The following YTHDC2 variants were observed in gnomAD, a reference collection of about 807,000 sequenced individuals.
YTHDC2 encodes YTH N6-methyladenosine RNA binding protein C2, also known as 3'-5' RNA helicase YTHDC2.
A neutral mutation model predicts 174.9 loss-of-function variants in YTHDC2; 45 were observed. The observed-to-expected ratio is 0.26, with a 90% CI of 0.20 to 0.33. The LOEUF is 0.33. Ranked by LOEUF, YTHDC2 falls within the 10% of genes least tolerant of loss-of-function variation. YTHDC2 has a pLI of 1.00. For synonymous variants in YTHDC2, 657 were observed against 574.5 expected, an observed-to-expected ratio of 1.14 and a Z score of -2.05; for missense variants, 1,650 against 1,723.7, an observed-to-expected ratio of 0.96 and a Z score of 0.76.
At chr5:113,586,553 A>AT (rs1304618522) in intron 26 of YTHDC2, among the ~76,000 whole-genome samples, 1 of 151,656 alleles carries the variant, frequency 6.6e-6, no homozygotes, top group Non-Finnish European at 1.5e-5. Flanking sequence ...TATGATTAGT[A>AT]TTTTTTTGTG....
chr5:113,514,122 C>G, intron 1 of YTHDC2, 40 bp downstream of exon 1: 15 of 1,579,734 alleles, frequency 9.5e-6, no homozygotes, highest in Non-Finnish European at 1.3e-5. Flanking sequence ...AGTCAGGATA[C>G]CCCCCTCACC....
intron 7 of YTHDC2, among the ~76,000 whole-genome samples, chr5:113,538,244 A>T (rs1775217432): frequency 2.0e-5 from 3 of 152,202 alleles, no homozygotes; most frequent in Admixed American, 2.0e-4. Context: ...GGCTTGACGT[A>T]GCATTCTGCT....
chr5:113,561,090 T>G lies in YTHDC2; in HGVS notation c.2227T>G (p.Cys743Gly). 6.2e-7 allele frequency: 1 copy of G among 1,608,348 alleles called. No homozygotes were observed. The highest frequency in any genetic ancestry group is 8.5e-7 in the Non-Finnish European group (1 of 1,176,654). Reference protein sequence around the residue: ...AIQRKGRAGRCRPGICFRLFS... With the variant: ...AIQRKGRAGRGRPGICFRLFS... The stretch of plus-strand genomic sequence containing the variant: ...TACTTTATTTTTAAGGGCAGGGCGA[T>G]GTAGACCTGGAATTTGTTTTCGTCT... Residue 743 changes from cysteine to glycine, a missense_variant, in exon 18 of 30, where the codon TGT (cysteine) becomes GGT (glycine). Cys to Gly is a radical substitution (Grantham distance 159). This residue lies in a region of YTHDC2 where 913 missense variants were observed against 940.4 expected (regional missense o/e 0.97). Coordinates refer to ENST00000161863, the MANE Select transcript of YTHDC2 (RefSeq NM_022828.5).
intron 5 of YTHDC2, among the ~76,000 whole-genome samples, chr5:113,533,956 T>C (rs1774873175): frequency 6.6e-6 from 1 of 152,196 alleles, no homozygotes; most frequent in Admixed American, 6.5e-5. Context: ...TATGTAGTAT[T>C]AGTAATGCCT....
chr5:113,556,080 C>T lies in YTHDC2; in HGVS notation c.2162C>T (p.Thr721Ile). 6.2e-7 allele frequency: 1 copy of T among 1,607,074 alleles called. No homozygotes were observed. The highest frequency in any genetic ancestry group is 1.1e-5 in the South Asian group (1 of 90,346). Residue 721 changes from threonine to isoleucine, a missense_variant, in exon 17 of 30, where the codon ACA becomes ATA. Physicochemically the swap from Thr to Ile is moderately conservative, Grantham distance 89. Transcript: ENST00000161863. Reference sequence around the variant, plus strand: ...TCCTTTGATGCTCTGAATTTTGTTACAATGTTAAAAATGGTATGGATTTCC... The same window carrying T: ...TCCTTTGATGCTCTGAATTTTGTTATAATGTTAAAAATGGTATGGATTTCC... ...EKSFDALNFV[T>I]MLKMVWISKA...
At chr5:113,536,706 G>T (rs1775102990) in intron 7 of YTHDC2, among the ~76,000 whole-genome samples, 1 of 152,046 alleles carries the variant, frequency 6.6e-6, no homozygotes, top group South Asian at 2.1e-4. Context: ...ACAAATGTAT[G>T]CAAATATATA....
intron 16 of YTHDC2, among the ~76,000 whole-genome samples, chr5:113,554,818 A>G (rs1776491274): frequency 6.6e-6 from 1 of 151,982 alleles, no homozygotes; most frequent in Non-Finnish European, 1.5e-5. Context: ...CTTTTGGTAG[A>G]TAACATTCGC....
intron 3 of YTHDC2, 33 bp downstream of exon 3, chr5:113,525,210 C>T: frequency 6.7e-7 from 1 of 1,492,942 alleles, no homozygotes; most frequent in Non-Finnish European, 9.0e-7. Context: ...CCTCATTTAC[C>T]CTATTATTTG....
intron 26 of YTHDC2, among the ~76,000 whole-genome samples, chr5:113,586,803 A>G (rs889054966): frequency 1.4e-5 from 2 of 147,254 alleles, no homozygotes; most frequent in African/African-American, 2.5e-5. Context: ...TCAAAAATCA[A>G]CTGGCCATAA....
chr5:113,563,956 G>A lies in YTHDC2; in HGVS notation c.2540G>A (p.Cys847Tyr). Residue 847 changes from cysteine to tyrosine, a missense_variant, in exon 20 of 30, where the codon TGT becomes TAT. By Grantham distance (194) the Cys-to-Tyr change is radical. Coordinates refer to ENST00000161863, the MANE Select transcript of YTHDC2 (RefSeq NM_022828.5). The stretch of plus-strand genomic sequence containing the variant: ...CCACATCTTGGTAAAATGGTCTTGT[G>A]TGCTGTTGTTTTAAAGTGTCTGGAC... ...VEPHLGKMVL[C>Y]AVVLKCLDPI... The A allele has an allele frequency of 6.2e-7, 1 of 1,614,146 alleles. No homozygotes were observed. The highest frequency in any genetic ancestry group is 8.5e-7 in the Non-Finnish European group (1 of 1,180,022).
At position 113,563,893 on chromosome 5, in the gene YTHDC2, C is replaced by G. The variant is rs2112719613; in HGVS notation, c.2477C>G (p.Thr826Ser). 2 of 1,614,170 alleles carry G rather than the reference C, an allele frequency of 1.2e-6. No homozygotes were observed. The highest frequency in any genetic ancestry group is 1.1e-5 in the South Asian group (1 of 91,084). Residue 826 changes from threonine (T) to serine (S), a missense_variant, in exon 20 of 30, where the codon ACT becomes AGT. Thr to Ser is a moderately conservative substitution (Grantham distance 58). Coordinates refer to ENST00000161863, the MANE Select transcript of YTHDC2 (RefSeq NM_022828.5). ...IDAMDTWEDL[T>S]ELGYHLADLP... ...GCAATGGATACATGGGAAGATCTGACTGAACTTGGGTATCATTTGGCTGAC... is the reference window on the plus strand; with the variant it reads ...GCAATGGATACATGGGAAGATCTGAGTGAACTTGGGTATCATTTGGCTGAC...
chr5:113,551,037 T>A (rs1438271137), intron 12 of YTHDC2, among the ~76,000 whole-genome samples: 1 of 152,120 alleles, frequency 6.6e-6, no homozygotes, highest in African/African-American at 2.4e-5. Flanking sequence ...CAAGAGCATA[T>A]AAAATGTTTT....
In YTHDC2 at chr5:113,591,084, A is replaced by T. The variant is rs745438447; in HGVS notation, c.3869A>T (p.Tyr1290Phe). The change falls in exon 27 of 30, where the codon TAC becomes TTC. Residue 1290 changes from tyrosine (Y) to phenylalanine (F), a missense_variant. Transcript: ENST00000161863. ...CCAAGACCAAACATGCCTGTTCGAT[A>T]CTTCATAATGAAGAGTAGCAATTTG... is the stretch of plus-strand genomic sequence containing the variant. ...PSPRPNMPVR[Y>F]FIMKSSNLRN... The T allele has an allele frequency of 2.0e-5, 33 of 1,613,846 alleles. No homozygotes were observed. Among genetic ancestry groups the T allele is most frequent in the Non-Finnish European group, 2.6e-5 (31 of 1,179,902 alleles).
At chr5:113,559,593 G>C (rs1299023433) in intron 17 of YTHDC2, among the ~76,000 whole-genome samples, 1 of 152,176 alleles carries the variant, frequency 6.6e-6, no homozygotes, top group East Asian at 1.9e-4. Context: ...ACAATTAACA[G>C]CACAAAAATA....
At chr5:113,524,916 G>T in intron 2 of YTHDC2, 65 bp from the exon 3 acceptor site, 1 of 1,155,112 alleles carries the variant, frequency 8.7e-7, no homozygotes. Context: ...TTTCTAAGTG[G>T]GCATACATCA....
At chr5:113,531,992 A>G (rs975283063) in intron 4 of YTHDC2, among the ~76,000 whole-genome samples, 2 of 152,202 alleles carry the variant, frequency 1.3e-5, no homozygotes, top group African/African-American at 4.8e-5. Context: ...GCTACTACAT[A>G]TATCTTTCTA....
chr5:113,550,280 G>A (rs532882273), intron 12 of YTHDC2, among the ~76,000 whole-genome samples: 7 of 152,028 alleles, frequency 4.6e-5, no homozygotes, highest in African/African-American at 7.2e-5. Context: ...CTCTGTGGGG[G>A]AAAAATTTAC....
intron 2 of YTHDC2, among the ~76,000 whole-genome samples, chr5:113,522,168 T>G (rs1486248444): frequency 6.6e-6 from 1 of 150,714 alleles, no homozygotes; most frequent in Non-Finnish European, 1.5e-5. Context: ...TGGTGGTTGT[T>G]GTTTGTTTTT....
intron 11 of YTHDC2, 53 bp from the exon 12 acceptor site, chr5:113,548,902 G>A: frequency 1.9e-6 from 3 of 1,542,612 alleles, no homozygotes; most frequent in Non-Finnish European, 2.6e-6. Context: ...GGCTCATCAT[G>A]AACTAGTTTT....
Sources: gnomAD v4.1 joint callset for allele counts (sites outside exome capture counted in the v4.1 genomes callset) on GRCh38, gnomAD v4.1.1 for gene constraint, gnomAD v4.1.1 regional missense constraint, MANE v1.5 for transcripts, NCBI Gene and HGNC (gene_info 2026-07-23, HGNC 2026-07-21) for gene names.